Variants in ZNF420 observed in about 807,000 individuals in gnomAD.
ZNF420 encodes the protein zinc finger protein 420, also known as ATM and p53-associated KZNF protein.
Under a neutral mutation model 44.7 loss-of-function variants are expected in ZNF420, and 31 were observed. That is an observed-to-expected ratio of 0.69 (90% CI 0.52 to 0.94). The LOEUF (loss-of-function observed/expected upper bound fraction) is 0.94. Among genes scored for constraint, ZNF420 ranks in the 40% least tolerant of loss-of-function variants. The probability of loss-of-function intolerance (pLI) is 0.00; values close to 1 mark genes in which losing one functional copy is unlikely to be tolerated. For synonymous variants in ZNF420, 245 were observed against 267.4 expected (o/e 0.92, Z 0.82); for missense variants, 681 against 827.9 (o/e 0.82, Z 2.18).
In ZNF420 at chr19:37,080,381, T is replaced by C. The variant is rs576115333; in HGVS notation, c.-88T>C. ...GAAAGAATGGCTGTTTCAGTAGCAA[T>C]GTCCAAGGTGAGTATTTCCTCTTTG... On this transcript the variant is annotated 5_prime_UTR_variant, in exon 2 of 5. The change abolishes an upstream ATG in the 5' untranslated region. Coordinates refer to ENST00000337995, the MANE Select transcript of ZNF420 (RefSeq NM_144689.5). 14 of 152,774 alleles carry C rather than the reference T, an allele frequency of 9.2e-5. No individual in the cohort carries two copies. In the South Asian group the frequency reaches 2.7e-3, roughly 29 times the overall value. 9.5% of individuals were successfully genotyped at this position (152,774 alleles called of 1,614,324 possible). A position where few individuals can be genotyped will look rare whatever the true frequency, so the allele number is the denominator to read the frequency against.
chr19:37,127,220 G>A lies in ZNF420; in HGVS notation c.229G>A (p.Glu77Lys), dbSNP rs1301778450. Residue 77 changes from glutamate (E) to lysine (K), a missense_variant, in exon 5 of 5, where the codon GAA (glutamate) becomes AAA (lysine). Glu to Lys is a moderately conservative substitution (Grantham distance 56). Coordinates refer to ENST00000337995, the MANE Select transcript of ZNF420 (RefSeq NM_144689.5). ...CCAATGGGAAATGAGTGACAGACTTGAAAACTGTGATCTTGAAGAGTCCAA... is the reference window on the plus strand; with the variant it reads ...CCAATGGGAAATGAGTGACAGACTTAAAAACTGTGATCTTGAAGAGTCCAA... ...LSQWEMSDRL[E>K]NCDLEESNSR... The A allele has an allele frequency of 1.9e-6, 3 of 1,607,782 alleles. No homozygotes were observed. Among genetic ancestry groups the A allele is most frequent in the Non-Finnish European group, 2.5e-6 (3 of 1,177,158 alleles).
At chr19:37,066,794 T>C (rs894115647) in intron 1 of ZNF420, among the ~76,000 whole-genome samples, 4 of 152,158 alleles carry the variant, frequency 2.6e-5, no homozygotes, top group African/African-American at 9.7e-5. Context: ...TTCCTAGGTG[T>C]TACCCCAGAG....
chr19:37,125,013 T>G (rs941871712), intron 4 of ZNF420, among the ~76,000 whole-genome samples: 3 of 152,162 alleles, frequency 2.0e-5, no homozygotes, highest in African/African-American at 7.2e-5. Context: ...ATTTTTTGTA[T>G]TTTTAGTAGA....
intron 1 of ZNF420, among the ~76,000 whole-genome samples, chr19:37,059,794 TTC>T (rs545964943): frequency 8.7e-5 from 13 of 149,250 alleles, no homozygotes; most frequent in East Asian, 2.0e-4. Context: ...CTCTGTCTCT[TTC>T]TCTCTCTCTC....
chr19:37,021,207 G>T (rs1018979750), intron 1 of ZNF420, among the ~76,000 whole-genome samples: 4 of 152,234 alleles, frequency 2.6e-5, no homozygotes, highest in Admixed American at 6.5e-5. Context: ...ATAATAGGAA[G>T]AAAGCAGCCA....
upstream of ZNF420, among the ~76,000 whole-genome samples, chr19:37,074,399 A>G (rs1208587560): frequency 1.3e-5 from 2 of 152,220 alleles, no homozygotes; most frequent in African/African-American, 4.8e-5. Flanking sequence ...AAACAAATCC[A>G]GAATGTTAGG....
intron 2 of ZNF420, among the ~76,000 whole-genome samples, chr19:37,081,700 ATTTTTTT>A (rs35066350): frequency 7.5e-5 from 5 of 66,914 alleles, no homozygotes; most frequent in African/African-American, 1.2e-4. Flanking sequence ...TAATTTTTGT[ATTTTTTT>A]TTTTTTTTTT....
intron 2 of ZNF420, among the ~76,000 whole-genome samples, chr19:37,086,119 T>G (rs1324605089): frequency 6.6e-6 from 1 of 151,960 alleles, no homozygotes; most frequent in Admixed American, 6.6e-5. Context: ...CCTCACTACT[T>G]TTTCACTCTT....
At chr19:37,011,431 C>T (rs972847102) in intron 1 of ZNF420, among the ~76,000 whole-genome samples, 4 of 152,132 alleles carry the variant, frequency 2.6e-5, no homozygotes, top group Non-Finnish European at 4.4e-5. Context: ...CTTCTGAGCT[C>T]CTGGGTGGAC....
At chr19:37,059,358 A>C (rs975888610) in intron 1 of ZNF420, among the ~76,000 whole-genome samples, 1 of 151,902 alleles carries the variant, frequency 6.6e-6, no homozygotes, top group African/African-American at 2.4e-5. Flanking sequence ...GCGCGAGTCA[A>C]CCCCGCCAAT....
At chr19:37,109,510 C>G (rs750102057) in intron 4 of ZNF420, 1 of 152,204 alleles carries the variant, frequency 6.6e-6, no homozygotes, top group Non-Finnish European at 1.5e-5. Context: ...CCCAAGTCGG[C>G]GGCTCTGCCT....
At position 37,010,748 on chromosome 19, in the gene ZNF420, A is replaced by T. The variant is rs556299739; in HGVS notation, c.-125+2666A>T. 3.1e-4 allele frequency among the ~76,000 whole-genome samples: 47 copies of T among 152,100 alleles called. 1 individual carries two copies. Among genetic ancestry groups the T allele is most frequent in the Non-Finnish European group, 3.8e-4 (26 of 67,990 alleles). On this transcript the variant is annotated intron_variant, in intron 1 of 4. Transcript: ENST00000587029. ...CTTTGGGTTTCTAAAGGCCTCGACGACGTGAGGAGAGGCGTCGGTCCTGGA... is the reference window on the plus strand; with the variant it reads ...CTTTGGGTTTCTAAAGGCCTCGACGTCGTGAGGAGAGGCGTCGGTCCTGGA...
Position 37,115,154 on chromosome 19 carries a change from C to G in ZNF420, c.137-11974C>G. On this transcript the variant is annotated intron_variant, in intron 4 of 4. Coordinates refer to ENST00000337995, the MANE Select transcript of ZNF420 (RefSeq NM_144689.5). ...CTTGTCCTCATTGACCACGCTCGAG[C>G]GTACCTTCACCCTAGAGAAAAGCAC... The G allele has an allele frequency of 1.1e-5, 2 of 175,604 alleles. 1 individual carries two copies. Among genetic ancestry groups the G allele is most frequent in the South Asian group, 3.5e-4 (2 of 5,790 alleles). 10.9% of individuals were successfully genotyped at this position (175,604 alleles called of 1,614,324 possible).
intron 1 of ZNF420, among the ~76,000 whole-genome samples, chr19:37,028,115 C>T (rs2146393157): frequency 6.6e-6 from 1 of 152,294 alleles, no homozygotes; most frequent in African/African-American, 2.4e-5. Flanking sequence ...GGATTTGAGC[C>T]AGTCTAACAG....
intron 4 of ZNF420, chr19:37,092,995 A>G (rs1374397320): frequency 1.3e-5 from 2 of 152,190 alleles, no homozygotes; most frequent in Admixed American, 6.5e-5. Context: ...AACATGCTAT[A>G]AAGAAATACC....
chr19:37,089,692 A>G (rs1201941732), intron 3 of ZNF420, among the ~76,000 whole-genome samples: 2 of 152,178 alleles, frequency 1.3e-5, no homozygotes, highest in African/African-American at 4.8e-5. Context: ...TCACCTTTCT[A>G]TTGTTTAGAA....
At chr19:37,123,262 T>C (rs74523258) in intron 4 of ZNF420, among the ~76,000 whole-genome samples, 9,879 of 152,284 alleles carry the variant, frequency 0.065, 499 homozygotes, top group East Asian at 0.14. Flanking sequence ...CCATTAACTA[T>C]CTTTGTATTT....
At chr19:37,110,667 T>C (rs552984435) in intron 4 of ZNF420, among the ~76,000 whole-genome samples, 2 of 152,286 alleles carry the variant, frequency 1.3e-5, no homozygotes, top group South Asian at 4.1e-4. Context: ...TGATACAATA[T>C]TGATAGATTG....
intron 1 of ZNF420, among the ~76,000 whole-genome samples, chr19:37,010,306 C>T (rs934724488): frequency 2.6e-5 from 4 of 152,120 alleles, no homozygotes; most frequent in African/African-American, 4.8e-5. Flanking sequence ...AGAAGCAGTG[C>T]GGCATCCCAG....
Sources: allele counts gnomAD v4.1 joint callset (sites outside exome capture counted in the v4.1 genomes callset), GRCh38; gene constraint gnomAD v4.1.1; transcripts MANE v1.5; gene names NCBI Gene and HGNC (gene_info 2026-07-23, HGNC 2026-07-21).